LRRC37A2: variants seen among roughly 807,000 people sequenced by gnomAD.
LRRC37A2 encodes the protein leucine rich repeat containing 37 member A2.
LRRC37A2 carries 9 observed loss-of-function variants against 68.8 expected under a neutral mutation model. The observed-to-expected ratio is 0.13, with a 90% CI of 0.08 to 0.23. The LOEUF (loss-of-function observed/expected upper bound fraction) is 0.23, where lower values mean the gene tolerates loss of function less well. Among genes scored for constraint, LRRC37A2 ranks in the 10% least tolerant of loss-of-function variants. The probability of loss-of-function intolerance (pLI) is 1.00; values close to 1 mark genes in which losing one functional copy is unlikely to be tolerated. For synonymous variants in LRRC37A2, 63 were observed against 367.6 expected, an observed-to-expected ratio of 0.17 and a Z score of 9.48; for missense variants, 168 against 950.4, an observed-to-expected ratio of 0.18 and a Z score of 10.82.
the LRRC37A2 span, among the ~76,000 whole-genome samples, chr17:46,916,471 A>T: frequency 6.6e-6 from 1 of 152,236 alleles, no homozygotes; most frequent in Non-Finnish European, 1.5e-5. Flanking sequence ...ACTCAAGAGA[A>T]GATGTGGTTG....
At chr17:46,981,303 G>A in the LRRC37A2 span, among the ~76,000 whole-genome samples, 1 of 151,996 alleles carries the variant, frequency 6.6e-6, no homozygotes, top group African/African-American at 2.4e-5. Flanking sequence ...CCCCAATGTG[G>A]AGGTGTTGGG....
chr17:46,921,050 A>G, the LRRC37A2 span: 2 of 152,156 alleles, frequency 1.3e-5, no homozygotes, highest in African/African-American at 4.8e-5. Flanking sequence ...GCTCATCAGA[A>G]TACTCATTCT....
chr17:46,957,315 C>T, the LRRC37A2 span, among the ~76,000 whole-genome samples: 1 of 151,486 alleles, frequency 6.6e-6, no homozygotes, highest in Non-Finnish European at 1.5e-5. Flanking sequence ...AAAAAGAAAA[C>T]AAAAAAAGAA....
At chr17:46,661,410 T>TA in the LRRC37A2 span, among the ~76,000 whole-genome samples, 2 of 102,178 alleles carry the variant, frequency 2.0e-5, no homozygotes, top group African/African-American at 7.8e-5. Flanking sequence ...TTATTATTAT[T>TA]TTTGAGATGG....
the LRRC37A2 span, among the ~76,000 whole-genome samples, chr17:46,990,303 C>T: frequency 3.4e-3 from 518 of 152,326 alleles, 3 homozygotes; most frequent in Non-Finnish European, 4.3e-3. Flanking sequence ...TTAAATCCCC[C>T]TTTATGGCTT....
chr17:46,800,969 G>A, the LRRC37A2 span, among the ~76,000 whole-genome samples: 1 of 152,200 alleles, frequency 6.6e-6, no homozygotes, highest in Non-Finnish European at 1.5e-5. Context: ...GAAGTGAGGT[G>A]TGCACGAGAA....
the LRRC37A2 span, among the ~76,000 whole-genome samples, chr17:46,779,908 G>A: frequency 1.3e-5 from 2 of 152,118 alleles, no homozygotes; most frequent in African/African-American, 2.4e-5. Context: ...AGAGGCATGC[G>A]TCACCATGCC....
the LRRC37A2 span, among the ~76,000 whole-genome samples, chr17:46,971,934 A>G: frequency 7.6e-4 from 116 of 152,332 alleles, no homozygotes; most frequent in African/African-American, 2.6e-3. Context: ...AAGGCAGGGC[A>G]CAGGGCCTGG....
the LRRC37A2 span, among the ~76,000 whole-genome samples, chr17:47,006,733 C>T: frequency 6.6e-6 from 1 of 152,236 alleles, no homozygotes; most frequent in East Asian, 1.9e-4. Flanking sequence ...GCCCCAGAGA[C>T]GTGCTTCTTC....
chr17:46,736,095 C>T, the LRRC37A2 span, among the ~76,000 whole-genome samples: 1 of 152,154 alleles, frequency 6.6e-6, no homozygotes, highest in East Asian at 1.9e-4. Flanking sequence ...ACCCAACTTC[C>T]CTCATTTGCA....
chr17:46,967,658 C>A, the LRRC37A2 span, among the ~76,000 whole-genome samples: 1 of 152,050 alleles, frequency 6.6e-6, no homozygotes, highest in African/African-American at 2.4e-5. Flanking sequence ...GGAAATGGGC[C>A]GGTGCAGAGG....
chr17:47,015,006 C>CTTTTTTTTTTTT, the LRRC37A2 span, among the ~76,000 whole-genome samples: 1 of 106,140 alleles, frequency 9.4e-6, no homozygotes, highest in Non-Finnish European at 1.8e-5. Flanking sequence ...CCATTTTTAT[C>CTTTTTTTTTTTT]TTTTTTTTTT....
the LRRC37A2 span, among the ~76,000 whole-genome samples, chr17:46,907,705 A>C: frequency 6.8e-6 from 1 of 148,126 alleles, no homozygotes; most frequent in South Asian, 2.2e-4. Context: ...ACCCAAAATT[A>C]AGTAGGCATG....
the LRRC37A2 span, among the ~76,000 whole-genome samples, chr17:46,502,944 G>A: frequency 3.3e-5 from 5 of 150,614 alleles, no homozygotes; most frequent in South Asian, 8.3e-4. Flanking sequence ...CAGGCGTGGT[G>A]GCTCACGCCT....
chr17:46,941,252 A>G, the LRRC37A2 span: 350 of 991,810 alleles, frequency 3.5e-4, 1 homozygote, highest in Non-Finnish European at 4.0e-4. Flanking sequence ...GGAGTTCTGT[A>G]CACCCTTTGC....
the LRRC37A2 span, among the ~76,000 whole-genome samples, chr17:46,971,208 G>A: frequency 1.2e-4 from 18 of 152,058 alleles, no homozygotes; most frequent in South Asian, 6.2e-4. Context: ...ATGGTGGTGG[G>A]TGCCTGTAAT....
the LRRC37A2 span, among the ~76,000 whole-genome samples, chr17:46,952,363 A>G: frequency 6.6e-6 from 1 of 152,232 alleles, no homozygotes; most frequent in African/African-American, 2.4e-5. Context: ...GCCGATCAGA[A>G]TCTTCCCTGG....
the LRRC37A2 span, chr17:46,938,595 C>G: frequency 2.5e-6 from 4 of 1,613,088 alleles, no homozygotes; most frequent in African/African-American, 4.0e-5. Flanking sequence ...CTCTTCTGCC[C>G]CAGGGGACTC....
chr17:46,900,202 T>TACACACACAC, the LRRC37A2 span, among the ~76,000 whole-genome samples: 11 of 101,168 alleles, frequency 1.1e-4, no homozygotes, highest in African/African-American at 5.6e-4. Context: ...TATATATATA[T>TACACACACAC]ACACACACAC....
Sources: gnomAD v4.1 joint callset for allele counts (sites outside exome capture counted in the v4.1 genomes callset) on GRCh38, gnomAD v4.1.1 for gene constraint, MANE v1.5 for transcripts, NCBI Gene and HGNC (gene_info 2026-07-23, HGNC 2026-07-21) for gene names.